CNTN5: variants seen among roughly 807,000 people sequenced by gnomAD.
The protein encoded by CNTN5 is contactin-5.
CNTN5 carries 77 observed loss-of-function variants against 129.1 expected under a neutral mutation model. That is an observed-to-expected ratio of 0.60 (90% CI 0.50 to 0.72). The LOEUF (loss-of-function observed/expected upper bound fraction) is 0.72. Ranked by LOEUF, CNTN5 falls within the 30% of genes least tolerant of loss-of-function variation. The probability of loss-of-function intolerance (pLI) is 0.00; values close to 1 mark genes in which losing one functional copy is unlikely to be tolerated. For missense variants in CNTN5, 1,478 were observed against 1,328.8 expected, an observed-to-expected ratio of 1.11 and a Z score of -1.75; for synonymous variants, 509 against 465.6, an observed-to-expected ratio of 1.09 and a Z score of -1.20.
intron 3 of CNTN5, among the ~76,000 whole-genome samples, chr11:99,633,378 C>A (rs1047389479): frequency 6.6e-6 from 1 of 152,086 alleles, no homozygotes; most frequent in Non-Finnish European, 1.5e-5. Context: ...ATTTTCAGAT[C>A]TAAAAAGGAG....
chr11:99,170,164 T>A (rs1861076007), intron 1 of CNTN5, among the ~76,000 whole-genome samples: 1 of 152,132 alleles, frequency 6.6e-6, no homozygotes, highest in African/African-American at 2.4e-5. Context: ...ATGGCTTACG[T>A]TTATATAGCA....
At chr11:99,133,464 C>G (rs189810020) in intron 1 of CNTN5, among the ~76,000 whole-genome samples, 3 of 151,876 alleles carry the variant, frequency 2.0e-5, no homozygotes, top group Admixed American at 6.6e-5. Context: ...TCAGGGCAAA[C>G]AGACAACCTA....
chr11:100,182,947 T>TA (rs962921804), intron 13 of CNTN5, among the ~76,000 whole-genome samples: 40 of 142,790 alleles, frequency 2.8e-4, no homozygotes, highest in African/African-American at 1.1e-3. Context: ...AATAAATTGA[T>TA]AAAAAAGGGT....
chr11:99,972,822 T>C lies in CNTN5; in HGVS notation c.877+15813T>C, dbSNP rs1234583883. The stretch of plus-strand genomic sequence containing the variant: ...AGAACGAGACCAGTTATGATCTGTA[T>C]ACAAATTATCCTCACCCCATATATC... On this transcript the variant is annotated intron_variant, in intron 8 of 24. Coordinates refer to ENST00000524871, the MANE Select transcript of CNTN5 (RefSeq NM_014361.4). Among the ~76,000 whole-genome samples, 5 of 152,290 alleles carry C rather than the reference T, an allele frequency of 3.3e-5. No homozygotes were observed. In the Middle Eastern group the frequency reaches 0.01, roughly 311 times the overall value.
intron 1 of CNTN5, among the ~76,000 whole-genome samples, chr11:99,252,226 C>T (rs896717623): frequency 2.6e-5 from 4 of 151,820 alleles, no homozygotes; most frequent in Non-Finnish European, 4.4e-5. Context: ...CCTTTTTATG[C>T]GGATTAGATC....
At chr11:99,297,883 A>T (rs1394283788) in intron 1 of CNTN5, among the ~76,000 whole-genome samples, 2 of 152,178 alleles carry the variant, frequency 1.3e-5, no homozygotes, top group Admixed American at 1.3e-4. Flanking sequence ...CAGATGTAAG[A>T]GGTCTCTAAC....
At chr11:99,727,722 C>T (rs905509874) in intron 3 of CNTN5, among the ~76,000 whole-genome samples, 2 of 152,126 alleles carry the variant, frequency 1.3e-5, no homozygotes, top group South Asian at 2.1e-4. Context: ...ACTGAAAATA[C>T]TCACACTTAG....
intron 13 of CNTN5, among the ~76,000 whole-genome samples, chr11:100,169,462 T>C (rs959450775): frequency 1.5e-4 from 23 of 151,994 alleles, no homozygotes; most frequent in African/African-American, 5.6e-4. Flanking sequence ...TCAACAGCCA[T>C]CACCCTGATA....
At chr11:99,983,378 G>A (rs1448023364) in intron 8 of CNTN5, among the ~76,000 whole-genome samples, 2 of 148,054 alleles carry the variant, frequency 1.4e-5, no homozygotes, top group Non-Finnish European at 3.0e-5. Context: ...TGTGAGGAGA[G>A]GTATCAGTAA....
At chr11:99,370,879 T>C (rs1337037661) in intron 2 of CNTN5, among the ~76,000 whole-genome samples, 1 of 151,992 alleles carries the variant, frequency 6.6e-6, no homozygotes, top group Non-Finnish European at 1.5e-5. Context: ...AATAAAAGAG[T>C]AGTGCCTGTG....
At chr11:99,836,172 C>T (rs1202290710) in intron 4 of CNTN5, among the ~76,000 whole-genome samples, 2 of 141,410 alleles carry the variant, frequency 1.4e-5, no homozygotes. Flanking sequence ...ACTTTAAGTT[C>T]TAGGGTACAT....
chr11:99,275,289 C>A (rs1863374653), intron 1 of CNTN5, among the ~76,000 whole-genome samples: 1 of 151,276 alleles, frequency 6.6e-6, no homozygotes, highest in Non-Finnish European at 1.5e-5. Flanking sequence ...TATATTTCCA[C>A]TCCCTAAAGT....
chr11:99,242,082 A>C (rs73532977), intron 1 of CNTN5, among the ~76,000 whole-genome samples: 2 of 152,200 alleles, frequency 1.3e-5, no homozygotes, highest in Admixed American at 1.3e-4. Context: ...ATTTAAATCC[A>C]TTCAAAATAA....
intron 3 of CNTN5, among the ~76,000 whole-genome samples, chr11:99,647,950 A>G (rs941552734): frequency 1.3e-5 from 2 of 151,866 alleles, no homozygotes; most frequent in African/African-American, 2.4e-5. Flanking sequence ...AGGTTTTTCT[A>G]TATATAAGAT....
Position 99,251,482 on chromosome 11 carries a change from T to C in CNTN5, c.-209-73864T>C, listed in dbSNP as rs530951790. ...GAAATAGTATCTTCCATATCTTTTT[T>C]TTTAATGTGTAACCCAATACTCAAT... On this transcript the variant is annotated intron_variant, in intron 1 of 24. Transcript: ENST00000524871. 3.2e-4 allele frequency among the ~76,000 whole-genome samples: 49 copies of C among 152,030 alleles called. No individual in the cohort carries two copies. In the South Asian group the frequency reaches 7.1e-3, roughly 22 times the overall value.
intron 1 of CNTN5, among the ~76,000 whole-genome samples, chr11:99,071,285 TG>T (rs1366371720): frequency 6.6e-6 from 1 of 152,174 alleles, no homozygotes; most frequent in Non-Finnish European, 1.5e-5. Flanking sequence ...TGTTTTGTTT[TG>T]TTTCCCTGTC....
At chr11:100,145,678 A>G (rs7131405) in intron 13 of CNTN5, among the ~76,000 whole-genome samples, 104,308 of 152,010 alleles carry the variant, frequency 0.69, 37,432 homozygotes, top group African/African-American at 0.9. Context: ...AGAGATACAG[A>G]AAGGCTTATT....
chr11:99,752,136 G>A (rs993287390), intron 3 of CNTN5, among the ~76,000 whole-genome samples: 6 of 152,066 alleles, frequency 3.9e-5, no homozygotes, highest in Non-Finnish European at 2.9e-5. Context: ...ATTAGAAACC[G>A]TATGTAATTG....
intron 1 of CNTN5, among the ~76,000 whole-genome samples, chr11:99,101,685 G>A (rs1866741127): frequency 6.6e-6 from 1 of 152,206 alleles, no homozygotes; most frequent in African/African-American, 2.4e-5. Flanking sequence ...TCATGGAAGA[G>A]ATGGGCTCCC....
Sources: gnomAD v4.1 joint callset for allele counts (sites outside exome capture counted in the v4.1 genomes callset) on GRCh38, gnomAD v4.1.1 for gene constraint, MANE v1.5 for transcripts, NCBI Gene and HGNC (gene_info 2026-07-23, HGNC 2026-07-21) for gene names.